ZBTB20: variants seen among roughly 807,000 people sequenced by gnomAD.
ZBTB20 encodes zinc finger and BTB domain-containing protein 20.
Under a neutral mutation model 56.9 loss-of-function variants are expected in ZBTB20, and 9 were observed. That is an observed-to-expected ratio of 0.16 (90% CI 0.10 to 0.28). The LOEUF (loss-of-function observed/expected upper bound fraction) is 0.28. Ranked by LOEUF, ZBTB20 falls within the 10% of genes least tolerant of loss-of-function variation. ZBTB20 has a pLI of 1.00. For synonymous variants in ZBTB20, 417 were observed against 420.7 expected, an observed-to-expected ratio of 0.99 and a Z score of 0.11; for missense variants, 655 against 1,003.0, an observed-to-expected ratio of 0.65 and a Z score of 4.69.
chr3:114,954,317 T>C (rs957096094), intron 3 of ZBTB20, among the ~76,000 whole-genome samples: 4 of 152,108 alleles, frequency 2.6e-5, no homozygotes, highest in African/African-American at 9.7e-5. Flanking sequence ...TGTGAAATGA[T>C]TCAACAAACA....
chr3:114,720,452 G>A (rs1447326052), intron 5 of ZBTB20, among the ~76,000 whole-genome samples: 1 of 152,010 alleles, frequency 6.6e-6, no homozygotes, highest in South Asian at 2.1e-4. Context: ...CGTAACTGGT[G>A]CAGAATAAAC....
At chr3:114,783,351 T>C (rs375989382) in intron 5 of ZBTB20, among the ~76,000 whole-genome samples, 111 of 152,278 alleles carry the variant, frequency 7.3e-4, no homozygotes, top group African/African-American at 2.6e-3. Context: ...CACATCTGGG[T>C]CTTACTTATA....
At chr3:115,099,091 A>G (rs2083484454) in intron 1 of ZBTB20, among the ~76,000 whole-genome samples, 1 of 152,190 alleles carries the variant, frequency 6.6e-6, no homozygotes, top group African/African-American at 2.4e-5. Flanking sequence ...AATTTTGAAG[A>G]ACACTATTCT....
intron 1 of ZBTB20, among the ~76,000 whole-genome samples, chr3:115,081,948 A>T (rs1271254075): frequency 1.3e-5 from 2 of 152,200 alleles, no homozygotes; most frequent in East Asian, 3.8e-4. Context: ...GTGTCTCTGG[A>T]ACGTATAGAT....
At chr3:114,672,850 C>T (rs905630173) in intron 6 of ZBTB20, among the ~76,000 whole-genome samples, 2 of 152,118 alleles carry the variant, frequency 1.3e-5, no homozygotes, top group Non-Finnish European at 2.9e-5. Flanking sequence ...TTAATCAGCT[C>T]AAGTTTCACA....
intron 6 of ZBTB20, among the ~76,000 whole-genome samples, chr3:114,620,449 T>G (rs998640206): frequency 7.9e-5 from 12 of 152,072 alleles, no homozygotes; most frequent in African/African-American, 2.9e-4. Context: ...TGCGCCACCA[T>G]GCCCGGCTAA....
intron 5 of ZBTB20, among the ~76,000 whole-genome samples, chr3:114,763,837 AAAAT>A (rs531808351): frequency 3.6e-3 from 553 of 152,284 alleles, no homozygotes; most frequent in Non-Finnish European, 5.9e-3. Flanking sequence ...TTTTCAATTA[AAAAT>A]AAATAAATAA....
At chr3:114,835,934 T>A (rs1163054932) in intron 4 of ZBTB20, among the ~76,000 whole-genome samples, 4 of 152,214 alleles carry the variant, frequency 2.6e-5, no homozygotes, top group African/African-American at 9.6e-5. Flanking sequence ...AATGCACCTA[T>A]GTAGCCACAA....
intron 6 of ZBTB20, among the ~76,000 whole-genome samples, chr3:114,518,328 G>GA (rs949225410): frequency 7.3e-5 from 11 of 151,252 alleles, no homozygotes; most frequent in Admixed American, 2.0e-4. Flanking sequence ...AAATAGAAGA[G>GA]AAAAAAAACC....
chr3:114,555,456 G>T (rs2051089578), intron 6 of ZBTB20, among the ~76,000 whole-genome samples: 1 of 151,992 alleles, frequency 6.6e-6, no homozygotes, highest in Non-Finnish European at 1.5e-5. Context: ...ATAATATTGT[G>T]ACAGGATGCA....
intron 7 of ZBTB20, among the ~76,000 whole-genome samples, chr3:114,473,278 TTG>T (rs1299947979): frequency 2.6e-5 from 4 of 152,204 alleles, no homozygotes; most frequent in Non-Finnish European, 4.4e-5. Flanking sequence ...TTCCAAATTA[TTG>T]TGTCTTTCAA....
At chr3:114,653,874 A>C (rs7653291) in intron 6 of ZBTB20, among the ~76,000 whole-genome samples, 1 of 151,904 alleles carries the variant, frequency 6.6e-6, no homozygotes, top group African/African-American at 2.4e-5. Flanking sequence ...AAATTTACCT[A>C]TTTTATCAAA....
chr3:114,913,648 T>C (rs1382759093), intron 3 of ZBTB20, among the ~76,000 whole-genome samples: 1 of 151,856 alleles, frequency 6.6e-6, no homozygotes, highest in African/African-American at 2.4e-5. Context: ...TTAAGAAATA[T>C]TTGCCCAGTC....
intron 5 of ZBTB20, among the ~76,000 whole-genome samples, chr3:114,757,082 T>A (rs964795892): frequency 3.3e-5 from 5 of 152,166 alleles, no homozygotes; most frequent in African/African-American, 1.2e-4. Context: ...GGCCTCCGCA[T>A]GTCTCTTGCA....
intron 6 of ZBTB20, chr3:114,520,167 TAGAA>T (rs1375848191): frequency 6.6e-5 from 10 of 152,110 alleles, no homozygotes; most frequent in African/African-American, 1.7e-4. Flanking sequence ...AAGATGGAAA[TAGAA>T]AGAATAAAGA....
At chr3:114,698,409 A>G (rs776551990) in intron 5 of ZBTB20, among the ~76,000 whole-genome samples, 9 of 152,058 alleles carry the variant, frequency 5.9e-5, no homozygotes, top group Non-Finnish European at 1.2e-4. Flanking sequence ...AGAGCCTTTT[A>G]CTTTTGTTTG....
rs1577323465 is a variant in ZBTB20, at chr3:114,530,179, C to T, written c.-294-29788G>A. On this transcript the variant is annotated intron_variant, in intron 6 of 11. Transcript: ENST00000675478. Reference sequence around the variant, plus strand: ...GTAATGTCCTAGGTGTTCACATTCACTCATCACTCACTCATTCACTCACCC... The same window carrying T: ...GTAATGTCCTAGGTGTTCACATTCATTCATCACTCACTCATTCACTCACCC... Among the ~76,000 whole-genome samples the T allele has an allele frequency of 2.0e-5, 3 of 152,310 alleles. No homozygotes were observed. The South Asian group carries it at 6.2e-4, about 32-fold the overall frequency.
At chr3:114,430,659 GA>G (rs1174225092) in intron 7 of ZBTB20, among the ~76,000 whole-genome samples, 2 of 151,976 alleles carry the variant, frequency 1.3e-5, no homozygotes, top group Non-Finnish European at 2.9e-5. Flanking sequence ...TTTAATTTTA[GA>G]AGACAATTTA....
At chr3:114,477,709 G>T (rs2040968423) in intron 7 of ZBTB20, among the ~76,000 whole-genome samples, 1 of 151,814 alleles carries the variant, frequency 6.6e-6, no homozygotes, top group South Asian at 2.1e-4. Context: ...TGGTCATGCT[G>T]GGCTTGAACT....
Sources: gnomAD v4.1 joint callset for allele counts (sites outside exome capture counted in the v4.1 genomes callset) on GRCh38, gnomAD v4.1.1 for gene constraint, MANE v1.5 for transcripts, NCBI Gene and HGNC (gene_info 2026-07-23, HGNC 2026-07-21) for gene names.